Variants in AHI1 observed in about 807,000 individuals in gnomAD.
AHI1 encodes the protein Abelson helper integration site 1.
Under a neutral mutation model 149.3 loss-of-function variants are expected in AHI1, and 123 were observed. The observed-to-expected ratio is 0.82, with a 90% CI of 0.71 to 0.96. The LOEUF (loss-of-function observed/expected upper bound fraction) is 0.96. Among genes scored for constraint, AHI1 ranks in the 40% least tolerant of loss-of-function variants. The pLI is 0.00. For synonymous variants in AHI1, 475 were observed against 459.8 expected (o/e 1.03, Z -0.42); for missense variants, 1,439 against 1,422.7 (o/e 1.01, Z -0.18).
chr6:135,302,721 G>A lies in AHI1; in HGVS notation c.3427-2163C>T, dbSNP rs79235931. 1,037 of 1,267,966 alleles carry A rather than the reference G, an allele frequency of 8.2e-4. 5 individuals carry two copies. In the African/African-American group the frequency reaches 0.015, roughly 18 times the overall value. 78.5% of individuals were successfully genotyped at this position (1,267,966 alleles called of 1,614,324 possible). Reference sequence around the variant, plus strand: ...AAACACCTTTACTCACTCATTCCTTGGTCTCAGCAGCAGCACGTCATATAG... The same window carrying A: ...AAACACCTTTACTCACTCATTCCTTAGTCTCAGCAGCAGCACGTCATATAG... On this transcript the variant is annotated intron_variant, in intron 26 of 28. Coordinates refer to ENST00000265602, the MANE Select transcript of AHI1 (RefSeq NM_001134831.2).
intron 26 of AHI1, among the ~76,000 whole-genome samples, chr6:135,303,424 T>C (rs1784135216): frequency 1.3e-5 from 2 of 152,330 alleles, no homozygotes; most frequent in East Asian, 3.9e-4. Context: ...TGTTTATATC[T>C]ACTTTGTAGG....
Position 135,463,179 on chromosome 6 carries a change from T to C in AHI1, c.877A>G (p.Met293Val), listed in dbSNP as rs772255541. 8.1e-6 allele frequency: 13 copies of C among 1,608,286 alleles called. No homozygotes were observed. The East Asian group carries it at 2.0e-4, about 25-fold the overall frequency. ...SSMEQSTEDSMQDDTKPKPKK... is the reference protein window; with the variant it reads ...SSMEQSTEDSVQDDTKPKPKK... ...GGTTTAGGTTTTGTATCATCTTGCA[T>C]GCTGTCTTCTGTGCTTTGTTCCATT... The change falls in exon 8 of 29, where the codon ATG (methionine) becomes GTG (valine). Residue 293 changes from methionine to valine, a missense_variant. By Grantham distance (21) the Met-to-Val change is conservative. Coordinates refer to ENST00000265602, the MANE Select transcript of AHI1 (RefSeq NM_001134831.2).
At chr6:135,296,392 T>G (rs1783096208) in intron 27 of AHI1, among the ~76,000 whole-genome samples, 1 of 152,196 alleles carries the variant, frequency 6.6e-6, no homozygotes, top group African/African-American at 2.4e-5. Context: ...TTAGGTCACT[T>G]CCTGTGTTTA....
rs149743279 is a variant in AHI1, at chr6:135,345,009, T to C, written c.3165+13123A>G. 5.2e-3 allele frequency among the ~76,000 whole-genome samples: 786 copies of C among 151,550 alleles called. 4 individuals carry two copies. The highest frequency in any genetic ancestry group is 0.018 in the African/African-American group (739 of 41,116). On this transcript the variant is annotated intron_variant, in intron 24 of 28. Transcript: ENST00000265602. ...ATTATATAACAAAACATAATTATAA[T>C]CTCCCCAATTAGAAAATGAGCAAAG...
chr6:135,490,309 T>C, intron 5 of AHI1: 6 of 695,280 alleles, frequency 8.6e-6, no homozygotes, highest in South Asian at 7.9e-5. Flanking sequence ...TCCTAAGTTC[T>C]TCACAATTCT....
rs180958282 is a variant in AHI1 at position 135,306,479 on chromosome 6, C to T, written c.3427-5921G>A. Among the ~76,000 whole-genome samples the T allele has an allele frequency of 4.6e-5, 7 of 152,228 alleles. No individual in the cohort carries two copies. The East Asian group carries it at 9.6e-4, about 21-fold the overall frequency. ...AGAAATCAGCAGCTTGAGTGAGAAA[C>T]GTGGACATTCTTTTCTGACCTGCTG... On this transcript the variant is annotated intron_variant, in intron 26 of 28. Transcript: ENST00000265602.
intron 20 of AHI1, among the ~76,000 whole-genome samples, chr6:135,422,056 T>C (rs1783245089): frequency 6.6e-6 from 1 of 152,224 alleles, no homozygotes; most frequent in Admixed American, 6.5e-5. Flanking sequence ...TCTACATTTG[T>C]AGATGTATCG....
At position 135,451,516 on chromosome 6, in the gene AHI1, T is replaced by C. The variant is rs573692713; in HGVS notation, c.1440+1825A>G. On this transcript the variant is annotated intron_variant, in intron 11 of 28. Coordinates refer to ENST00000265602, the MANE Select transcript of AHI1 (RefSeq NM_001134831.2). ...CAACATATTTACCCAAAAGAAGTCA[T>C]TGGTGACTCTAAAAAGCTTACAGTC... 5.9e-5 allele frequency among the ~76,000 whole-genome samples: 9 copies of C among 152,284 alleles called. No individual in the cohort carries two copies. In the East Asian group the frequency reaches 1.4e-3, roughly 23 times the overall value.
intron 3 of AHI1, among the ~76,000 whole-genome samples, chr6:135,494,971 C>A (rs1330630990): frequency 2.0e-5 from 3 of 152,086 alleles, no homozygotes; most frequent in African/African-American, 4.8e-5. Flanking sequence ...TATAGAGGGG[C>A]AGAAACTTAG....
Position 135,399,768 on chromosome 6 carries a change from C to T in AHI1, c.2989-4872G>A, listed in dbSNP as rs111770989. Among the ~76,000 whole-genome samples, 691 of 151,536 alleles carry T rather than the reference C, an allele frequency of 4.6e-3. 4 individuals are homozygous for T. Among genetic ancestry groups the T allele is most frequent in the African/African-American group, 0.016 (646 of 41,280 alleles). The stretch of plus-strand genomic sequence containing the variant: ...TTTCTTAGGGAAAGCCATCATTCTC[C>T]ACCTACTTGCCAAGGCCAGAAAGCT... On this transcript the variant is annotated intron_variant, in intron 22 of 28. Coordinates refer to ENST00000265602, the MANE Select transcript of AHI1 (RefSeq NM_001134831.2).
chr6:135,419,224 T>G (rs1309364763), intron 20 of AHI1, among the ~76,000 whole-genome samples: 1 of 152,150 alleles, frequency 6.6e-6, no homozygotes. Flanking sequence ...TCTACCAGCA[T>G]CTGGCAAATT....
rs374121589 is a variant in AHI1, at chr6:135,417,504, GA to G, written c.2765-5961del. Among the ~76,000 whole-genome samples the G allele has an allele frequency of 4.8e-3, 727 of 151,226 alleles. 13 individuals carry two copies. The highest frequency in any genetic ancestry group is 0.016 in the African/African-American group (654 of 41,282). ...TTCTTAAAAATGACATTTTTAACTG[GA>G]AAAAAAAGTAACAAAAAGCAGAGCC... is the stretch of plus-strand genomic sequence containing the variant. On this transcript the variant is annotated intron_variant, in intron 20 of 28. Transcript: ENST00000265602.
At chr6:135,404,716 C>T (rs896518123) in intron 22 of AHI1, among the ~76,000 whole-genome samples, 6 of 152,208 alleles carry the variant, frequency 3.9e-5, no homozygotes, top group African/African-American at 1.4e-4. Context: ...AAAGTATCTC[C>T]ATCACTTAGT....
chr6:135,482,893 G>GTTTTTTTTTTTTTTTTTTTT (rs1491384083), intron 5 of AHI1, among the ~76,000 whole-genome samples: 7 of 5,784 alleles, frequency 1.2e-3, no homozygotes, highest in African/African-American at 3.5e-3. Context: ...TCCATTTAAG[G>GTTTTTTTTTTTTTTTTTTTT]CTTTTTTTTT....
At chr6:135,332,017 G>C (rs73559923) in intron 24 of AHI1, among the ~76,000 whole-genome samples, 3,126 of 151,356 alleles carry the variant, frequency 0.021, 50 homozygotes, top group African/African-American at 0.034. Flanking sequence ...TCTTTAAAGA[G>C]TGTTGGACCT....
intron 23 of AHI1, among the ~76,000 whole-genome samples, chr6:135,383,219 C>T (rs1000712000): frequency 1.3e-3 from 103 of 80,314 alleles, no homozygotes; most frequent in African/African-American, 6.7e-3. Context: ...CCTTCCTTCC[C>T]CCCTCCCTTT....
rs1790992259 is a variant in AHI1 at position 135,467,610 on chromosome 6, G to A, written c.160C>T (p.His54Tyr). Reference protein sequence around the residue: ...ISPDTIRSNLHYMKETTSDDP... With the variant: ...ISPDTIRSNLYYMKETTSDDP... ...TCACTTGTAGTTTCTTTCATATAGTGAAGATTGCTTCTAATAGTGTCAGGC... is the reference window on the plus strand; with the variant it reads ...TCACTTGTAGTTTCTTTCATATAGTAAAGATTGCTTCTAATAGTGTCAGGC... Residue 54 changes from histidine to tyrosine, a missense_variant, in exon 6 of 29, where the codon CAC (histidine) becomes TAC (tyrosine). Coordinates refer to ENST00000265602, the MANE Select transcript of AHI1 (RefSeq NM_001134831.2). 6.2e-7 allele frequency: 1 copy of A among 1,608,972 alleles called. No individual in the cohort carries two copies. Among genetic ancestry groups the A allele is most frequent in the Non-Finnish European group, 8.5e-7 (1 of 1,176,582 alleles).
intron 26 of AHI1, among the ~76,000 whole-genome samples, chr6:135,309,134 T>TC (rs1784852900): frequency 6.6e-6 from 1 of 152,202 alleles, no homozygotes; most frequent in Admixed American, 6.5e-5. Context: ...TAAGTTCCTT[T>TC]CGGAGTAGGA....
intron 24 of AHI1, among the ~76,000 whole-genome samples, chr6:135,345,625 A>G (rs933652175): frequency 6.6e-6 from 1 of 152,124 alleles, no homozygotes; most frequent in Admixed American, 6.5e-5. Context: ...ACCCATAGAG[A>G]TGGAAAGTTG....
Sources: allele counts gnomAD v4.1 joint callset (sites outside exome capture counted in the v4.1 genomes callset), GRCh38; gene constraint gnomAD v4.1.1; transcripts MANE v1.5; gene names NCBI Gene and HGNC (gene_info 2026-07-23, HGNC 2026-07-21).